Variants in HEMK2 observed in about 807,000 individuals in gnomAD.
The protein encoded by HEMK2 is HemK methyltransferase 2, ETF1 glutamine and histone H4 lysine, also known as methyltransferase HEMK2.
At chr21:28,689,109 T>C in the HEMK2 span, among the ~76,000 whole-genome samples, 1 of 143,970 alleles carries the variant, frequency 6.9e-6, no homozygotes, top group Admixed American at 7.0e-5. Context: ...ATGACAATTA[T>C]ACCAAAAAGT....
chr21:28,756,786 A>C, the HEMK2 span, among the ~76,000 whole-genome samples: 1 of 152,238 alleles, frequency 6.6e-6, no homozygotes, highest in East Asian at 1.9e-4. Context: ...AATTAACATA[A>C]GAAACCAAAA....
chr21:28,752,616 A>G, the HEMK2 span, among the ~76,000 whole-genome samples: 3 of 152,232 alleles, frequency 2.0e-5, no homozygotes, highest in African/African-American at 7.2e-5. Context: ...GAGTGTCCAC[A>G]CACAGCGAAC....
chr21:28,793,337 T>C, the HEMK2 span, among the ~76,000 whole-genome samples: 3 of 152,238 alleles, frequency 2.0e-5, no homozygotes, highest in African/African-American at 7.2e-5. Flanking sequence ...TTTCAATAAC[T>C]CATTTGCCTA....
At chr21:28,739,853 G>C in the HEMK2 span, among the ~76,000 whole-genome samples, 1 of 152,158 alleles carries the variant, frequency 6.6e-6, no homozygotes, top group Admixed American at 6.5e-5. Flanking sequence ...TAAATACACA[G>C]TGAAAATACA....
At chr21:28,723,188 T>C in the HEMK2 span, among the ~76,000 whole-genome samples, 1 of 147,004 alleles carries the variant, frequency 6.8e-6, no homozygotes, top group Non-Finnish European at 1.5e-5. Flanking sequence ...TTTTTTTTAT[T>C]TTTATTTTGT....
chr21:28,796,263 C>T, the HEMK2 span, among the ~76,000 whole-genome samples: 7 of 152,212 alleles, frequency 4.6e-5, no homozygotes, highest in Non-Finnish European at 1.0e-4. Flanking sequence ...CTCAGCCTCC[C>T]GAGTAGCTGG....
the HEMK2 span, among the ~76,000 whole-genome samples, chr21:28,698,248 T>C: frequency 6.6e-6 from 1 of 152,352 alleles, no homozygotes; most frequent in Middle Eastern, 3.4e-3. Flanking sequence ...TGAATCACTA[T>C]GCAACTACTT....
the HEMK2 span, among the ~76,000 whole-genome samples, chr21:28,740,664 G>C: frequency 1.3e-5 from 2 of 152,178 alleles, no homozygotes; most frequent in Admixed American, 1.3e-4. Flanking sequence ...ACTATCAAAA[G>C]CAACCTGCTA....
chr21:28,784,590 T>C, the HEMK2 span, among the ~76,000 whole-genome samples: 7 of 151,238 alleles, frequency 4.6e-5, no homozygotes, highest in Non-Finnish European at 7.4e-5. Flanking sequence ...AGCTCAAGGT[T>C]TGTAAATGCA....
the HEMK2 span, among the ~76,000 whole-genome samples, chr21:28,877,968 G>A: frequency 3.3e-5 from 5 of 152,018 alleles, no homozygotes; most frequent in African/African-American, 7.2e-5. Flanking sequence ...GGTTATAAAC[G>A]GGGAAAAGAG....
the HEMK2 span, among the ~76,000 whole-genome samples, chr21:28,827,686 GT>G: frequency 6.6e-6 from 1 of 152,240 alleles, no homozygotes; most frequent in Admixed American, 6.5e-5. Context: ...TAACCACTAT[GT>G]TGAAATCACT....
At chr21:28,602,123 AG>A in the HEMK2 span, among the ~76,000 whole-genome samples, 1 of 152,202 alleles carries the variant, frequency 6.6e-6, no homozygotes, top group East Asian at 1.9e-4. Flanking sequence ...ACTATGAAGG[AG>A]AAAAGGACTA....
At chr21:28,803,519 A>G in the HEMK2 span, among the ~76,000 whole-genome samples, 3 of 152,240 alleles carry the variant, frequency 2.0e-5, no homozygotes, top group Non-Finnish European at 2.9e-5. Flanking sequence ...TAGCAGCCAG[A>G]AAGTACTGAA....
At chr21:28,877,001 GAGGGAGGA>G in the HEMK2 span, among the ~76,000 whole-genome samples, 381 of 61,496 alleles carry the variant, frequency 6.2e-3, no homozygotes, top group Admixed American at 8.8e-3. Context: ...GGGAGGGAGG[GAGGGAGGA>G]AGGAAGGAAG....
chr21:28,697,850 ATACAAACAAAC>A, the HEMK2 span, among the ~76,000 whole-genome samples: 2 of 151,772 alleles, frequency 1.3e-5, no homozygotes, highest in Admixed American at 1.3e-4. Context: ...GCTTACAGTA[ATACAAACAAAC>A]AGACAACCAT....
At chr21:28,672,072 G>C in the HEMK2 span, among the ~76,000 whole-genome samples, 16,794 of 152,050 alleles carry the variant, frequency 0.11, 1,152 homozygotes, top group East Asian at 0.3. Flanking sequence ...GAGCACATTA[G>C]ATAGTAGGCT....
chr21:28,747,077 T>C, the HEMK2 span, among the ~76,000 whole-genome samples: 1 of 152,198 alleles, frequency 6.6e-6, no homozygotes, highest in Admixed American at 6.5e-5. Flanking sequence ...GCAATGGAAA[T>C]GGACAGATCT....
At chr21:28,692,025 C>T in the HEMK2 span, among the ~76,000 whole-genome samples, 1 of 152,180 alleles carries the variant, frequency 6.6e-6, no homozygotes, top group Non-Finnish European at 1.5e-5. Flanking sequence ...TTCTACTCTT[C>T]TTTCAACCTT....
At chr21:28,609,798 AAGG>A in the HEMK2 span, among the ~76,000 whole-genome samples, 1 of 152,204 alleles carries the variant, frequency 6.6e-6, no homozygotes. Context: ...AGAATAGAAC[AAGG>A]AGAAGAAAGA....
Sources: gnomAD v4.1 joint callset for allele counts (sites outside exome capture counted in the v4.1 genomes callset) on GRCh38, gnomAD v4.1.1 for gene constraint, MANE v1.5 for transcripts, NCBI Gene and HGNC (gene_info 2026-07-23, HGNC 2026-07-21) for gene names.